The following ANAPC1 variants were observed in gnomAD, a reference collection of about 807,000 sequenced individuals.
The protein encoded by ANAPC1 is anaphase-promoting complex subunit 1.
A neutral mutation model predicts 208.0 loss-of-function variants in ANAPC1; 36 were observed. That is an observed-to-expected ratio of 0.17 (90% CI 0.13 to 0.23). ANAPC1 has a LOEUF of 0.23. ANAPC1 is among the 10% of genes least tolerant of loss of function. ANAPC1 has a pLI of 1.00. For missense variants in ANAPC1, 942 were observed against 2,011.6 expected (o/e 0.47, Z 10.17); for synonymous variants, 378 against 695.2 (o/e 0.54, Z 7.18).
In ANAPC1 at chr2:111,872,670, G is replaced by A; in HGVS notation, c.571C>T (p.Arg191Ter). 4.3e-6 allele frequency: 7 copies of A among 1,613,680 alleles called. No individual in the cohort carries two copies. The highest frequency in any genetic ancestry group is 5.9e-6 in the Non-Finnish European group (7 of 1,179,714). ...WPTKYGLLFE[R>*]SASSHEVPPG... ...GGTACTTCATGTGAAGAAGCGCTTC[G>A]TTCAAACAGCAATCCATATTTAGTG... The change falls in exon 6 of 48, where the codon CGA becomes TGA. Residue 191 changes from arginine (R) to a stop codon, truncating the protein, a stop_gained. Coordinates refer to ENST00000341068, the MANE Select transcript of ANAPC1 (RefSeq NM_022662.4). LOFTEE classifies it high-confidence loss of function.
At chr2:111,851,007 G>C (rs1260019446) in intron 13 of ANAPC1, 97 bp from the exon 14 acceptor site, 69 of 1,389,364 alleles carry the variant, frequency 5.0e-5, no homozygotes, top group East Asian at 4.8e-4. Context: ...TATTTCTTTT[G>C]ATATTTCTAA....
intron 38 of ANAPC1, among the ~76,000 whole-genome samples, chr2:111,788,963 C>G (rs1677720546): frequency 6.6e-6 from 1 of 152,162 alleles, no homozygotes; most frequent in African/African-American, 2.4e-5. Context: ...ACGGTGAAAC[C>G]CCATCTCTAC....
chr2:111,832,534 T>C (rs1196539714), intron 20 of ANAPC1, among the ~76,000 whole-genome samples: 2 of 152,168 alleles, frequency 1.3e-5, no homozygotes, highest in Non-Finnish European at 1.5e-5. Flanking sequence ...TACTGAGTTC[T>C]CAAAATGCGG....
In ANAPC1 at chr2:111,824,303, A is replaced by C. The variant is rs1185059202; in HGVS notation, c.2812+663T>G. 7.3e-5 allele frequency among the ~76,000 whole-genome samples: 11 copies of C among 150,924 alleles called. No homozygotes were observed. In the South Asian group the frequency reaches 1.1e-3, roughly 14 times the overall value. ...AGAACATACTTTAGATAAGACTTCA[A>C]AAACATCTTTTAATATTCATTAAAA... On this transcript the variant is annotated intron_variant, in intron 24 of 47. Coordinates refer to ENST00000341068, the MANE Select transcript of ANAPC1 (RefSeq NM_022662.4).
chr2:111,788,410 A>C (rs113467282), intron 38 of ANAPC1, 90 bp from the exon 39 acceptor site: 28,647 of 1,529,118 alleles, frequency 0.019, 778 homozygotes, highest in African/African-American at 0.14. Flanking sequence ...CTGGTGTATA[A>C]TAGTAAGGCA....
intron 1 of ANAPC1, among the ~76,000 whole-genome samples, 195 bp downstream of exon 1, chr2:111,883,747 G>A (rs1683455101): frequency 6.6e-6 from 1 of 152,214 alleles, no homozygotes; most frequent in South Asian, 2.1e-4. Context: ...GGAGCCGGAA[G>A]GAGCACCCCA....
chr2:111,855,613 A>G (rs1209753905), intron 13 of ANAPC1, among the ~76,000 whole-genome samples: 1 of 152,206 alleles, frequency 6.6e-6, no homozygotes, highest in Non-Finnish European at 1.5e-5. Context: ...AGGCGAGTAC[A>G]TGGTATCTTT....
At chr2:111,821,698 C>T in intron 25 of ANAPC1, 1 of 435,848 alleles carries the variant, frequency 2.3e-6, no homozygotes, top group Non-Finnish European at 4.3e-6. Context: ...CTTTGGGAGG[C>T]CGAGGTGGGC....
intron 13 of ANAPC1, among the ~76,000 whole-genome samples, chr2:111,855,971 C>T (rs1301486091): frequency 1.3e-5 from 2 of 152,170 alleles, no homozygotes; most frequent in African/African-American, 2.4e-5. Context: ...CGCGGTGGCT[C>T]ACGCCTGTAA....
At chr2:111,833,480 C>T (rs1240910896) in intron 19 of ANAPC1, among the ~76,000 whole-genome samples, 169 bp from the exon 20 acceptor site, 1 of 151,732 alleles carries the variant, frequency 6.6e-6, no homozygotes, top group Non-Finnish European at 1.5e-5. Context: ...CCCAGTGTGA[C>T]AAATGGAACC....
At chr2:111,860,461 T>C (rs3877250) in intron 10 of ANAPC1, among the ~76,000 whole-genome samples, 4 of 144,868 alleles carry the variant, frequency 2.8e-5, no homozygotes, top group African/African-American at 7.8e-5. Context: ...TATGCCTATG[T>C]TCATTTCCTC....
intron 13 of ANAPC1, among the ~76,000 whole-genome samples, chr2:111,851,810 C>CAA (rs10645103): frequency 0.67 from 95,529 of 142,884 alleles, 31,889 homozygotes; most frequent in African/African-American, 0.73. Context: ...AACTCTGTCT[C>CAA]AAAAAAAAAA....
chr2:111,869,196 C>G (rs4848821), intron 6 of ANAPC1, among the ~76,000 whole-genome samples: 16,359 of 152,184 alleles, frequency 0.11, 901 homozygotes, highest in East Asian at 0.17. Flanking sequence ...CTCTAATGAT[C>G]TGCTCAAAGC....
rs1290690725 is a variant in ANAPC1 at position 111,856,686 on chromosome 2, A to C, written c.1450-7T>G. On this transcript the variant is annotated splice_polypyrimidine_tract_variant and splice_region_variant and intron_variant, in intron 12 of 47. Coordinates refer to ENST00000341068, the MANE Select transcript of ANAPC1 (RefSeq NM_022662.4). ...CCAGCATGGTGTCTATTTTCTAAAA[A>C]AACAAAAAAGACAAAAAATTTATTT... The C allele has an allele frequency of 6.2e-7, 1 of 1,613,894 alleles. No homozygotes were observed. Among genetic ancestry groups the C allele is most frequent in the East Asian group, 2.2e-5 (1 of 44,868 alleles).
intron 20 of ANAPC1, among the ~76,000 whole-genome samples, chr2:111,832,712 G>A (rs778408602): frequency 2.7e-4 from 41 of 152,030 alleles, no homozygotes; most frequent in African/African-American, 9.2e-4. Flanking sequence ...GGTGGATCAC[G>A]AGGTCAGGAG....
chr2:111,795,390 A>T (rs192541479), intron 34 of ANAPC1, among the ~76,000 whole-genome samples: 24,392 of 142,910 alleles, frequency 0.17, 2,509 homozygotes, highest in Middle Eastern at 0.26. Context: ...TCAAAAAAAA[A>T]AATAATAATA....
intron 32 of ANAPC1, chr2:111,802,929 T>G (rs951609673): frequency 9.1e-6 from 2 of 220,306 alleles, no homozygotes; most frequent in African/African-American, 6.6e-5. Flanking sequence ...CGTCTTGTAC[T>G]CAACTTATTC....
At chr2:111,863,022 T>TA (rs11336673) in intron 9 of ANAPC1, among the ~76,000 whole-genome samples, 206 of 149,084 alleles carry the variant, frequency 1.4e-3, no homozygotes, top group African/African-American at 4.3e-3. Flanking sequence ...AAATAACAAG[T>TA]AAAAAAAAAA....
chr2:111,836,409 G>A (rs1197939222), intron 18 of ANAPC1, among the ~76,000 whole-genome samples: 1 of 150,610 alleles, frequency 6.6e-6, no homozygotes, highest in Non-Finnish European at 1.5e-5. Context: ...GAGAGATAGG[G>A]GCAGGAGGAC....
Sources: gnomAD v4.1 joint callset for allele counts (sites outside exome capture counted in the v4.1 genomes callset) on GRCh38, gnomAD v4.1.1 for gene constraint, MANE v1.5 for transcripts, NCBI Gene and HGNC (gene_info 2026-07-23, HGNC 2026-07-21) for gene names.